SMCO2: variants seen among roughly 807,000 people sequenced by gnomAD.
SMCO2 encodes single-pass membrane and coiled-coil domain-containing protein 2.
Under a neutral mutation model 29.5 loss-of-function variants are expected in SMCO2, and 25 were observed. That is an observed-to-expected ratio of 0.85 (90% CI 0.62 to 1.18). The LOEUF is 1.18. Among genes scored for constraint, SMCO2 ranks in the 50% most tolerant of loss-of-function variants. The pLI, the probability that SMCO2 is intolerant of heterozygous loss-of-function variation, is 0.00. For synonymous variants in SMCO2, 117 were observed against 123.3 expected, an observed-to-expected ratio of 0.95 and a Z score of 0.34; for missense variants, 348 against 344.5, an observed-to-expected ratio of 1.01 and a Z score of -0.08.
At chr12:27,502,134 T>A (rs2135586876) in exon 8 of SMCO2, 1 of 1,499,442 alleles carries the variant, frequency 6.7e-7, no homozygotes, top group South Asian at 1.3e-5. Context: ...ATACAGAAGT[T>A]ACTGTCACCC....
chr12:27,425,375 A>C, the SMCO2 span: 2 of 151,616 alleles, frequency 1.3e-5, no homozygotes, highest in African/African-American at 4.8e-5. Context: ...GGTACATTGA[A>C]CTCTGTTACT....
chr12:27,434,167 G>A, the SMCO2 span, among the ~76,000 whole-genome samples: 1 of 152,334 alleles, frequency 6.6e-6, no homozygotes, highest in Middle Eastern at 3.4e-3. Context: ...GGAATCTACA[G>A]TGGTTCCTAA....
chr12:27,476,731 C>T (rs2135551827), intron 4 of SMCO2, among the ~76,000 whole-genome samples: 1 of 151,944 alleles, frequency 6.6e-6, no homozygotes, highest in Admixed American at 6.6e-5. Flanking sequence ...CACTTTCAGT[C>T]TACATGTGTC....
chr12:27,495,162 G>A (rs544225597), intron 6 of SMCO2, among the ~76,000 whole-genome samples: 1 of 152,216 alleles, frequency 6.6e-6, no homozygotes, highest in South Asian at 2.1e-4. Context: ...TTGAGTAGAT[G>A]TCCCCATCAC....
the SMCO2 span, among the ~76,000 whole-genome samples, chr12:27,436,835 C>A: frequency 2.0e-5 from 3 of 152,170 alleles, no homozygotes; most frequent in South Asian, 6.2e-4. Context: ...GACAGTAAGG[C>A]TACATATATT....
chr12:27,433,557 C>T, the SMCO2 span, among the ~76,000 whole-genome samples: 1 of 151,726 alleles, frequency 6.6e-6, no homozygotes, highest in African/African-American at 2.4e-5. Flanking sequence ...ATCATATTCT[C>T]AACCAGGAAT....
exon 8 of SMCO2, chr12:27,501,970 C>A: frequency 6.5e-7 from 1 of 1,547,022 alleles, no homozygotes; most frequent in African/African-American, 1.4e-5. Context: ...CTCACCGTCA[C>A]TGGACTTTTA....
At chr12:27,471,662 G>A (rs549053125) in intron 2 of SMCO2, among the ~76,000 whole-genome samples, 81 of 152,194 alleles carry the variant, frequency 5.3e-4, no homozygotes, top group African/African-American at 1.9e-3. Context: ...TTTTAGAAAA[G>A]GAAATACAAA....
At chr12:27,475,005 T>G in intron 4 of SMCO2, 92 bp downstream of exon 4, 1 of 1,434,216 alleles carries the variant, frequency 7.0e-7, no homozygotes, top group Non-Finnish European at 9.3e-7. Context: ...GTCTGGAAGA[T>G]TTAAAATCCA....
chr12:27,496,542 T>C lies in SMCO2; in HGVS notation c.683+687T>C, dbSNP rs149880180. ...CTGTGCAGGATGCCTTACCCTTGGA[T>C]GGTATTGGAAACACACTACCAGCAA... On this transcript the variant is annotated intron_variant, in intron 7 of 7. Transcript: ENST00000298876. Among the ~76,000 whole-genome samples, 59 of 150,792 alleles carry C rather than the reference T, an allele frequency of 3.9e-4. 6 individuals are homozygous for C. Among genetic ancestry groups the C allele is most frequent in the African/African-American group, 1.3e-3 (54 of 40,406 alleles).
At chr12:27,451,805 A>T in the SMCO2 span, among the ~76,000 whole-genome samples, 2 of 152,222 alleles carry the variant, frequency 1.3e-5, no homozygotes, top group African/African-American at 2.4e-5. Flanking sequence ...ATCAGTGAGG[A>T]ATAATGAGAA....
At chr12:27,435,789 G>A in the SMCO2 span, among the ~76,000 whole-genome samples, 2 of 152,138 alleles carry the variant, frequency 1.3e-5, no homozygotes, top group Non-Finnish European at 2.9e-5. Context: ...TCTGGAGAAA[G>A]TCACAGTTCT....
At chr12:27,460,348 A>C in the SMCO2 span, among the ~76,000 whole-genome samples, 1 of 152,218 alleles carries the variant, frequency 6.6e-6, no homozygotes, top group Non-Finnish European at 1.5e-5. Flanking sequence ...TTAACTACTA[A>C]TAGCCACCTG....
intron 2 of SMCO2, 63 bp from the exon 3 acceptor site, chr12:27,472,713 G>A: frequency 8.0e-7 from 1 of 1,250,088 alleles, no homozygotes; most frequent in Non-Finnish European, 1.1e-6. Context: ...AAGGAGTAGT[G>A]CAGGCCCAAG....
At chr12:27,478,907 T>C (rs116660147) in intron 4 of SMCO2, among the ~76,000 whole-genome samples, 2,921 of 152,112 alleles carry the variant, frequency 0.019, 100 homozygotes, top group African/African-American at 0.067. Context: ...GTGCTATTGA[T>C]GGTGGCAGTG....
chr12:27,465,124 G>A (rs146359639), upstream of SMCO2, among the ~76,000 whole-genome samples: 11 of 151,900 alleles, frequency 7.2e-5, no homozygotes, highest in Non-Finnish European at 1.5e-4. Flanking sequence ...CCCAGTACGC[G>A]AAGTGTGGTC....
the SMCO2 span, among the ~76,000 whole-genome samples, chr12:27,430,926 T>A: frequency 6.6e-6 from 1 of 150,802 alleles, no homozygotes; most frequent in Middle Eastern, 3.4e-3. Context: ...AACCTTTGAT[T>A]TATTGTGTGC....
At chr12:27,464,097 C>G (rs1160332456), upstream of SMCO2, among the ~76,000 whole-genome samples, 1 of 152,162 alleles carries the variant, frequency 6.6e-6, no homozygotes, top group Non-Finnish European at 1.5e-5. Context: ...GGAATAGAAT[C>G]CCCAAAAACC....
chr12:27,478,627 G>A (rs1003562717), intron 4 of SMCO2, among the ~76,000 whole-genome samples: 1 of 152,086 alleles, frequency 6.6e-6, no homozygotes, highest in African/African-American at 2.4e-5. Flanking sequence ...GCAGCTGTAG[G>A]CTGGGCAGGC....
Sources: allele counts gnomAD v4.1 joint callset (sites outside exome capture counted in the v4.1 genomes callset), GRCh38; gene constraint gnomAD v4.1.1; transcripts MANE v1.5; gene names NCBI Gene and HGNC (gene_info 2026-07-23, HGNC 2026-07-21).